SMAD2: variants seen among roughly 807,000 people sequenced by gnomAD.
SMAD2 encodes the protein SMAD family member 2.
Under a neutral mutation model 64.4 loss-of-function variants are expected in SMAD2, and 8 were observed. That is an observed-to-expected ratio of 0.12 (90% CI 0.07 to 0.22). The LOEUF (loss-of-function observed/expected upper bound fraction) is 0.22, where lower values mean the gene tolerates loss of function less well. Among genes scored for constraint, SMAD2 ranks in the 10% least tolerant of loss-of-function variants. The pLI, the probability that SMAD2 is intolerant of heterozygous loss-of-function variation, is 1.00. For missense variants in SMAD2, 289 were observed against 561.2 expected (o/e 0.51, Z 4.90); for synonymous variants, 203 against 195.8 (o/e 1.04, Z -0.31).
intron 6 of SMAD2, 129 bp from the exon 7 acceptor site, chr18:47,851,456 G>T (rs956826521): frequency 9.1e-6 from 4 of 438,846 alleles, no homozygotes; most frequent in Non-Finnish European, 1.7e-5. Flanking sequence ...CAAGAATTCA[G>T]AATATGTAAG....
Position 47,879,732 on chromosome 18 carries a change from G to C in SMAD2, c.237-9168C>G, listed in dbSNP as rs2032478265. On this transcript the variant is annotated intron_variant, in intron 2 of 10. Coordinates refer to ENST00000262160, the MANE Select transcript of SMAD2 (RefSeq NM_005901.6). ...GAAAATCTTGAGTCAGTGGATAGAT[G>C]CATGTTTAGCTTTTCAATAAATTGC... Among the ~76,000 whole-genome samples the C allele has an allele frequency of 2.0e-5, 3 of 152,090 alleles. No homozygotes were observed. The South Asian group carries it at 6.2e-4, about 32-fold the overall frequency.
intron 1 of SMAD2, among the ~76,000 whole-genome samples, chr18:47,914,598 A>G (rs976315336): frequency 2.6e-5 from 4 of 152,340 alleles, no homozygotes; most frequent in East Asian, 1.9e-4. Context: ...ACCATCTCTC[A>G]TAAGGACAGC....
At chr18:47,913,994 C>T (rs754222254) in intron 1 of SMAD2, among the ~76,000 whole-genome samples, 11 of 152,194 alleles carry the variant, frequency 7.2e-5, no homozygotes, top group Non-Finnish European at 1.0e-4. Context: ...TCTACGATTA[C>T]TCACCGGAAA....
At chr18:47,910,589 C>G (rs577900347) in intron 1 of SMAD2, among the ~76,000 whole-genome samples, 1 of 152,322 alleles carries the variant, frequency 6.6e-6, no homozygotes. Context: ...GACTCCCAGT[C>G]TGCCTCTTCT....
At chr18:47,913,392 T>G (rs1483061649) in intron 1 of SMAD2, among the ~76,000 whole-genome samples, 2 of 152,246 alleles carry the variant, frequency 1.3e-5, no homozygotes, top group Admixed American at 1.3e-4. Context: ...TATTGCCACA[T>G]GATTTCAGTG....
Position 47,841,966 on chromosome 18 carries a change from C to G in SMAD2, c.1281-16G>C, listed in dbSNP as rs2144277309. ...CGTCTGCCTTCTGTTTAAAAGAATACAGGAAAATGATTATGAAATTCAAGT... is the reference window on the plus strand; with the variant it reads ...CGTCTGCCTTCTGTTTAAAAGAATAGAGGAAAATGATTATGAAATTCAAGT... On this transcript the variant is annotated splice_polypyrimidine_tract_variant and intron_variant, in intron 10 of 10. Transcript: ENST00000262160. 6.2e-7 allele frequency: 1 copy of G among 1,613,952 alleles called. No individual in the cohort carries two copies. The highest frequency in any genetic ancestry group is 8.5e-7 in the Non-Finnish European group (1 of 1,179,892).
intron 10 of SMAD2, among the ~76,000 whole-genome samples, chr18:47,842,544 G>C (rs77924920): frequency 0.05 from 7,563 of 151,922 alleles, 582 homozygotes; most frequent in East Asian, 0.21. Flanking sequence ...GTCTCGGGGT[G>C]GGGGGCAGAA....
chr18:47,841,793 T>C lies in SMAD2; in HGVS notation c.*34A>G, dbSNP rs1913978633. On this transcript the variant is annotated 3_prime_UTR_variant, in exon 11 of 11. Transcript: ENST00000262160. ...ATGCTATGACAGAAGAGTTGTTACA[T>C]TAAGTCTTTTCATGGGACTTGATTG... 7 of 1,613,482 alleles carry C rather than the reference T, an allele frequency of 4.3e-6. No homozygotes were observed. The highest frequency in any genetic ancestry group is 5.9e-6 in the Non-Finnish European group (7 of 1,179,542).
At chr18:47,905,109 T>C (rs991588019) in intron 1 of SMAD2, among the ~76,000 whole-genome samples, 2 of 152,166 alleles carry the variant, frequency 1.3e-5, no homozygotes, top group Non-Finnish European at 2.9e-5. Flanking sequence ...CATGGAAAAG[T>C]GCATGGAATC....
chr18:47,860,441 T>TA (rs1169420468), intron 6 of SMAD2, among the ~76,000 whole-genome samples: 127 of 147,638 alleles, frequency 8.6e-4, no homozygotes, highest in East Asian at 3.2e-3. Flanking sequence ...CTGGCTAATT[T>TA]AAAAAAAAAA....
chr18:47,833,419 G>C lies in SMAD2; in HGVS notation c.*8408C>G, dbSNP rs1266762451. On this transcript the variant is annotated 3_prime_UTR_variant, in exon 11 of 11. Coordinates refer to ENST00000262160, the MANE Select transcript of SMAD2 (RefSeq NM_005901.6). ...TCATTGTTTAATAAAAATAAAAAAGGAACCACATCGTACTTTTGACAATCA... is the reference window on the plus strand; with the variant it reads ...TCATTGTTTAATAAAAATAAAAAAGCAACCACATCGTACTTTTGACAATCA... 2 of 225,492 alleles carry C rather than the reference G, an allele frequency of 8.9e-6. No homozygotes were observed. The highest frequency in any genetic ancestry group is 1.8e-5 in the Non-Finnish European group (2 of 113,074). The allele number at this position is 225,492 out of a possible 1,614,324, so 14.0% of individuals were successfully genotyped here. A position where few individuals can be genotyped will look rare whatever the true frequency, so the allele number is the denominator to read the frequency against.
chr18:47,854,088 T>TAAAAA (rs35189746), intron 6 of SMAD2, among the ~76,000 whole-genome samples: 1 of 146,206 alleles, frequency 6.8e-6, no homozygotes, highest in Non-Finnish European at 1.5e-5. Context: ...TAGAAGCCTT[T>TAAAAA]AAAAAAAAAA....
At chr18:47,857,409 A>G (rs1307188661) in intron 6 of SMAD2, among the ~76,000 whole-genome samples, 1 of 152,204 alleles carries the variant, frequency 6.6e-6, no homozygotes. Context: ...CTATGAGAGC[A>G]TAATTCTGTT....
chr18:47,891,425 A>G (rs540257807), intron 2 of SMAD2, among the ~76,000 whole-genome samples: 10 of 152,310 alleles, frequency 6.6e-5, no homozygotes, highest in South Asian at 4.1e-4. Context: ...TGGGTGATGA[A>G]AAAACAGGGG....
intron 1 of SMAD2, among the ~76,000 whole-genome samples, chr18:47,921,537 A>G (rs1188023262): frequency 1.4e-4 from 22 of 152,248 alleles, no homozygotes. Context: ...CTGTGATATT[A>G]AAGTCCATCT....
In SMAD2 at chr18:47,865,048, A is replaced by AT. The variant is rs149135973; in HGVS notation, c.730+10dup. 5.4e-3 allele frequency: 8,156 copies of AT among 1,519,858 alleles called. 342 individuals are homozygous for AT. The African/African-American group carries it at 0.096, about 18-fold the overall frequency. The allele number at this position is 1,519,858 out of a possible 1,614,324, so 94.1% of individuals were successfully genotyped here. Reference sequence around the variant, plus strand: ...TAATAACTGAGGAATTTTCAAAGACATTTTTTTTACCTGTGTCCATACTTT... The same window carrying AT: ...TAATAACTGAGGAATTTTCAAAGACATTTTTTTTTACCTGTGTCCATACTTT... On this transcript the variant is annotated intron_variant, in intron 6 of 10. Transcript: ENST00000262160.
At chr18:47,886,570 CATCTATCTATCTATCTATCT>C (rs5824712) in intron 2 of SMAD2, among the ~76,000 whole-genome samples, 31 of 146,806 alleles carry the variant, frequency 2.1e-4, no homozygotes, top group Non-Finnish European at 1.9e-4. Flanking sequence ...TATATCTATC[CATCTATCTATCTATCTATCT>C]ATCTATCTAT....
chr18:47,870,408 T>G, intron 3 of SMAD2, 67 bp downstream of exon 3: 1 of 1,125,586 alleles, frequency 8.9e-7, no homozygotes, highest in Non-Finnish European at 1.4e-6. Context: ...CAACCCCATA[T>G]AGGTCTTTCA....
chr18:47,864,198 T>C (rs913654215), intron 6 of SMAD2, among the ~76,000 whole-genome samples: 2 of 152,202 alleles, frequency 1.3e-5, no homozygotes, highest in African/African-American at 4.8e-5. Flanking sequence ...CTACCTTTCT[T>C]AGTTATCTGG....
Sources: allele counts gnomAD v4.1 joint callset (sites outside exome capture counted in the v4.1 genomes callset), GRCh38; gene constraint gnomAD v4.1.1; transcripts MANE v1.5; gene names NCBI Gene and HGNC (gene_info 2026-07-23, HGNC 2026-07-21).